CNTRL: variants seen among roughly 807,000 people sequenced by gnomAD.
CNTRL encodes the protein 110 kDa centrosomal protein.
A neutral mutation model predicts 303.7 loss-of-function variants in CNTRL; 233 were observed. That is an observed-to-expected ratio of 0.77 (90% CI 0.69 to 0.86). The LOEUF is 0.86. CNTRL is among the 40% of genes least tolerant of loss of function. The probability of loss-of-function intolerance (pLI) is 0.00; values close to 1 mark genes in which losing one functional copy is unlikely to be tolerated. For missense variants in CNTRL, 2,524 were observed against 2,650.6 expected (o/e 0.95, Z 1.05); for synonymous variants, 900 against 922.2 (o/e 0.98, Z 0.44).
At chr9:121,088,619 T>C in intron 3 of CNTRL, 76 bp downstream of exon 3, 1 of 823,804 alleles carries the variant, frequency 1.2e-6, no homozygotes, top group Non-Finnish European at 2.0e-6. Context: ...CTTGCATTTT[T>C]GGTCCAACTG....
chr9:121,081,225 C>T lies in CNTRL; in HGVS notation c.-32+747C>T, dbSNP rs568231581. ...CTGTATAATCACAGCTTATATGTAC[C>T]CATATGCTTGTGAAGTTATATTATC... On this transcript the variant is annotated intron_variant, in intron 2 of 43. Transcript: ENST00000373855. Among the ~76,000 whole-genome samples the T allele has an allele frequency of 6.6e-5, 10 of 152,262 alleles. No individual in the cohort carries two copies. In the South Asian group the frequency reaches 2.1e-3, roughly 32 times the overall value.
At chr9:121,167,953 C>G in intron 37 of CNTRL, 143 bp from the exon 38 acceptor site, 1 of 750,164 alleles carries the variant, frequency 1.3e-6, no homozygotes, top group Non-Finnish European at 2.1e-6. Context: ...GCTTCCCAAG[C>G]CCTCTTGATC....
intron 11 of CNTRL, among the ~76,000 whole-genome samples, chr9:121,117,266 ATTT>A (rs1483515469): frequency 6.6e-6 from 1 of 152,114 alleles, no homozygotes; most frequent in Non-Finnish European, 1.5e-5. Flanking sequence ...GAATTCTAAA[ATTT>A]TTTCCTGATT....
chr9:121,127,657 T>G (rs2133589387), intron 14 of CNTRL, among the ~76,000 whole-genome samples: 1 of 152,242 alleles, frequency 6.6e-6, no homozygotes, highest in African/African-American at 2.4e-5. Flanking sequence ...TTTTATATAC[T>G]TTTTAATTAT....
intron 4 of CNTRL, among the ~76,000 whole-genome samples, chr9:121,092,280 C>T (rs1345427628): frequency 7.0e-6 from 1 of 142,584 alleles, no homozygotes; most frequent in Non-Finnish European, 1.5e-5. Context: ...CAGATTTTGC[C>T]CATTGTGTTC....
At chr9:121,135,688 G>A (rs1179722164) in intron 14 of CNTRL, 118 bp from the exon 15 acceptor site, 11 of 884,534 alleles carry the variant, frequency 1.2e-5, no homozygotes, top group African/African-American at 1.7e-5. Context: ...AAACTTTGTG[G>A]CAGGCATCAG....
chr9:121,138,283 G>A (rs867871528), intron 15 of CNTRL, among the ~76,000 whole-genome samples: 1 of 152,032 alleles, frequency 6.6e-6, no homozygotes, highest in South Asian at 2.1e-4. Context: ...TAGGTGCCTC[G>A]GCCCACCCCT....
At chr9:121,124,109 G>C (rs1179429913) in intron 13 of CNTRL, 25 bp downstream of exon 13, 36 of 1,570,536 alleles carry the variant, frequency 2.3e-5, no homozygotes, top group Non-Finnish European at 3.1e-5. Flanking sequence ...ATGATTTAAG[G>C]TAAATCAGTG....
Position 121,144,833 on chromosome 9 carries a change from G to A in CNTRL, c.3052-10G>A. ...GCAGTGGTGCCTTTCTCATACTTCTGTCCCAGTAGGAGTTGCAGGAAGCAG... is the reference window on the plus strand; with the variant it reads ...GCAGTGGTGCCTTTCTCATACTTCTATCCCAGTAGGAGTTGCAGGAAGCAG... On this transcript the variant is annotated splice_polypyrimidine_tract_variant and intron_variant, in intron 20 of 43. Coordinates refer to ENST00000373855, the MANE Select transcript of CNTRL (RefSeq NM_007018.6). 1 of 1,606,040 alleles carries A rather than the reference G, an allele frequency of 6.2e-7. No individual in the cohort carries two copies. The highest frequency in any genetic ancestry group is 1.3e-5 in the African/African-American group (1 of 74,876).
chr9:121,136,971 G>A (rs1007869485), intron 15 of CNTRL, among the ~76,000 whole-genome samples: 2 of 152,164 alleles, frequency 1.3e-5, no homozygotes, highest in Non-Finnish European at 2.9e-5. Flanking sequence ...GCCACGCAGA[G>A]GGGACAGGGT....
At position 121,138,440 on chromosome 9, in the gene CNTRL, ATAGC is replaced by A. The variant is rs1236687069; in HGVS notation, c.2203-100_2203-97del. ...AAACATAAAATTGAGTTGTAAAACTATAGCTAGCAAGGGATTGTGTGTATATGTA... is the reference window on the plus strand; with the variant it reads ...AAACATAAAATTGAGTTGTAAAACTATAGCAAGGGATTGTGTGTATATGTA... On this transcript the variant is annotated intron_variant, in intron 15 of 43. Coordinates refer to ENST00000373855, the MANE Select transcript of CNTRL (RefSeq NM_007018.6). The A allele has an allele frequency of 2.1e-5, 25 of 1,168,704 alleles. No homozygotes were observed. The Middle Eastern group carries it at 6.1e-4, about 29-fold the overall frequency. The allele number at this position is 1,168,704 out of a possible 1,614,324, so 72.4% of individuals were successfully genotyped here. A position where few individuals can be genotyped will look rare whatever the true frequency, so the allele number is the denominator to read the frequency against.
intron 19 of CNTRL, 32 bp from the exon 20 acceptor site, chr9:121,143,871 C>T: frequency 6.6e-7 from 1 of 1,524,920 alleles, no homozygotes; most frequent in Non-Finnish European, 8.9e-7. Context: ...CCAAATGATT[C>T]ATCTGTTTAA....
Position 121,160,257 on chromosome 9 carries a change from G to T in CNTRL, c.5044G>T (p.Glu1682Ter), listed in dbSNP as rs754788399. Residue 1682 changes from glutamate to a stop codon, truncating the protein, a stop_gained, in exon 32 of 44, where the codon GAA (glutamate) becomes TAA (stop). Coordinates refer to ENST00000373855, the MANE Select transcript of CNTRL (RefSeq NM_007018.6). LOFTEE classifies it high-confidence loss of function. The stretch of plus-strand genomic sequence containing the variant: ...AAAGCAGGAAATTGAAAAAGAGGAA[G>T]AAAATCTTCAGGTTGTTTTAAGGCA... ...LIKQEIEKEE[E>*]NLQVVLRQMS... The T allele has an allele frequency of 6.5e-7, 1 of 1,549,108 alleles. No individual in the cohort carries two copies. The highest frequency in any genetic ancestry group is 1.3e-5 in the South Asian group (1 of 77,390).
intron 7 of CNTRL, among the ~76,000 whole-genome samples, chr9:121,101,156 C>A (rs1334511263): frequency 6.6e-6 from 1 of 152,180 alleles, no homozygotes; most frequent in Non-Finnish European, 1.5e-5. Flanking sequence ...GGAAGTAAAG[C>A]TCTCCTCAGC....
intron 13 of CNTRL, among the ~76,000 whole-genome samples, chr9:121,125,089 A>G (rs183127328): frequency 3.3e-5 from 5 of 152,066 alleles, no homozygotes; most frequent in African/African-American, 1.2e-4. Context: ...CATCTTATAT[A>G]CTAGGTGGTC....
chr9:121,090,354 G>C lies in CNTRL; in HGVS notation c.297G>C (p.Leu99Phe). The C allele has an allele frequency of 6.2e-7, 1 of 1,612,938 alleles. No individual in the cohort carries two copies. The highest frequency in any genetic ancestry group is 8.5e-7 in the Non-Finnish European group (1 of 1,179,458). Reference sequence around the variant, plus strand: ...TTACTAAACAGGATAATTTGGCTTTGATAAAATCTCTGAACCTTTCACTTT... The same window carrying C: ...TTACTAAACAGGATAATTTGGCTTTCATAAAATCTCTGAACCTTTCACTTT... ...KKLTKQDNLA[L>F]IKSLNLSLSK... The change falls in exon 4 of 44, where the codon TTG becomes TTC. Residue 99 changes from leucine to phenylalanine, a missense_variant. Transcript: ENST00000373855.
intron 35 of CNTRL, among the ~76,000 whole-genome samples, chr9:121,165,320 A>T (rs2053043950): frequency 4.8e-5 from 2 of 41,542 alleles, no homozygotes; most frequent in South Asian, 4.8e-3. Context: ...AAGTCAGTTA[A>T]AAAAAAAAAC....
intron 27 of CNTRL, among the ~76,000 whole-genome samples, chr9:121,157,028 G>A (rs2052608540): frequency 6.6e-6 from 1 of 152,150 alleles, no homozygotes. Flanking sequence ...AGCATCTTTA[G>A]TTCCACTACT....
chr9:121,094,893 T>C lies in CNTRL; in HGVS notation c.354T>C (p.Ile118=). ...SKDGGKKFKY[I]ENLEKCVKLE... ...ATTCATTTGTTTCCAATTAGTATAT[T>C]GAGAATTTGGAAAAATGTGTTAAAC... Residue 118 remains isoleucine (I), a synonymous_variant, in exon 5 of 44, where the codon ATT becomes ATC. Transcript: ENST00000373855. 6.4e-7 allele frequency: 1 copy of C among 1,558,018 alleles called. No homozygotes were observed.
Sources: allele counts gnomAD v4.1 joint callset (sites outside exome capture counted in the v4.1 genomes callset), GRCh38; gene constraint gnomAD v4.1.1; transcripts MANE v1.5; gene names NCBI Gene and HGNC (gene_info 2026-07-23, HGNC 2026-07-21).